Variants in SLC18A1 observed in about 807,000 individuals in gnomAD.
SLC18A1 encodes the protein chromaffin granule amine transporter.
A neutral mutation model predicts 53.7 loss-of-function variants in SLC18A1; 69 were observed. The observed-to-expected ratio is 1.28, with a 90% CI of 1.06 to 1.57. The LOEUF (loss-of-function observed/expected upper bound fraction) is 1.57, where lower values mean the gene tolerates loss of function less well. Ranked by LOEUF, SLC18A1 falls within the 40% of genes most tolerant of loss-of-function variation. The pLI, the probability that SLC18A1 is intolerant of heterozygous loss-of-function variation, is 0.00. For synonymous variants in SLC18A1, 320 were observed against 248.1 expected, an observed-to-expected ratio of 1.29 and a Z score of -2.72; for missense variants, 932 against 668.1, an observed-to-expected ratio of 1.40 and a Z score of -4.35.
intron 4 of SLC18A1, among the ~76,000 whole-genome samples, chr8:20,176,464 G>A (rs2072254475): frequency 6.6e-6 from 1 of 152,162 alleles, no homozygotes; most frequent in African/African-American, 2.4e-5. Flanking sequence ...ATGCTAAATG[G>A]ACTAAGACAC....
intron 10 of SLC18A1, among the ~76,000 whole-genome samples, chr8:20,154,903 G>C (rs1279965010): frequency 1.3e-5 from 2 of 152,144 alleles, no homozygotes; most frequent in African/African-American, 2.4e-5. Flanking sequence ...ATCTGGCAGG[G>C]TGTCCACTGC....
rs903827480 is a variant in SLC18A1 at position 20,171,674 on chromosome 8, T to C, written c.725-180A>G. On this transcript the variant is annotated intron_variant, in intron 6 of 15. Coordinates refer to ENST00000276373, the MANE Select transcript of SLC18A1 (RefSeq NM_003053.4). ...TGTCCCCATCAAGCCCACTTTCTAG[T>C]GGAGGAAGTGTGTGTGTGTGTGTGT... Among the ~76,000 whole-genome samples, 51 of 149,272 alleles carry C rather than the reference T, an allele frequency of 3.4e-4. 1 individual carries two copies. The highest frequency in any genetic ancestry group is 1.1e-3 in the African/African-American group (45 of 39,932).
At chr8:20,147,959 A>G in intron 13 of SLC18A1, 48 bp downstream of exon 13, 2 of 1,597,132 alleles carry the variant, frequency 1.3e-6, no homozygotes, top group Non-Finnish European at 8.6e-7. Flanking sequence ...CATCAGACCC[A>G]AAGCCAACAT....
intron 10 of SLC18A1, among the ~76,000 whole-genome samples, chr8:20,155,243 C>G (rs971632936): frequency 6.6e-6 from 1 of 152,190 alleles, no homozygotes; most frequent in African/African-American, 2.4e-5. Context: ...CAGGGCTTCT[C>G]CAAAGTGGTG....
chr8:20,163,282 G>A (rs2071875029), intron 10 of SLC18A1, among the ~76,000 whole-genome samples: 1 of 152,148 alleles, frequency 6.6e-6, no homozygotes. Context: ...GTGCTCCCAT[G>A]ATCTCATCAT....
At chr8:20,177,152 T>G (rs1451976317) in intron 4 of SLC18A1, among the ~76,000 whole-genome samples, 1 of 152,222 alleles carries the variant, frequency 6.6e-6, no homozygotes, top group East Asian at 1.9e-4. Context: ...CTGCTAGAAG[T>G]TCCATGAACA....
intron 8 of SLC18A1, among the ~76,000 whole-genome samples, chr8:20,166,280 T>C (rs1311766755): frequency 4.2e-5 from 4 of 95,004 alleles, no homozygotes; most frequent in Non-Finnish European, 4.2e-5. Flanking sequence ...TGTGTGGGTG[T>C]GTGTGTGTCT....
rs1318946275 is a variant in SLC18A1, at chr8:20,172,853, T to C, written c.724+183A>G. Among the ~76,000 whole-genome samples the C allele has an allele frequency of 2.0e-5, 3 of 152,208 alleles. No individual in the cohort carries two copies. In the East Asian group the frequency reaches 5.8e-4, roughly 29 times the overall value. ...GGGCTTCCGGACCTTTCTCCGACGT[T>C]TATGTGTTTCCCAGCTTCTTAAGGA... On this transcript the variant is annotated intron_variant, in intron 6 of 15. Transcript: ENST00000276373.
chr8:20,156,868 T>A (rs1209572087), intron 10 of SLC18A1, among the ~76,000 whole-genome samples: 1 of 152,162 alleles, frequency 6.6e-6, no homozygotes, highest in Non-Finnish European at 1.5e-5. Context: ...TGCATAAGAA[T>A]TGTTGTTTAT....
At chr8:20,162,625 T>C (rs2071857327) in intron 10 of SLC18A1, among the ~76,000 whole-genome samples, 1 of 152,338 alleles carries the variant, frequency 6.6e-6, no homozygotes, top group African/African-American at 2.4e-5. Context: ...TGGATACAAG[T>C]CTGCCAAGTT....
intron 8 of SLC18A1, 71 bp downstream of exon 8, chr8:20,171,032 C>G: frequency 1.0e-5 from 15 of 1,453,902 alleles, no homozygotes; most frequent in Non-Finnish European, 1.4e-5. Flanking sequence ...TATGGTTTGG[C>G]AGGCATGCCT....
intron 11 of SLC18A1, among the ~76,000 whole-genome samples, chr8:20,150,383 T>C (rs1215792155): frequency 3.9e-5 from 6 of 152,196 alleles, no homozygotes; most frequent in Non-Finnish European, 8.8e-5. Context: ...GTTGTGGTTA[T>C]TTTATCTCCT....
At chr8:20,164,847 C>T (rs200134564) in intron 10 of SLC18A1, 22 bp downstream of exon 10, 64 of 1,577,162 alleles carry the variant, frequency 4.1e-5, no homozygotes, top group Middle Eastern at 3.5e-4. Flanking sequence ...AGGCCCTGAG[C>T]GGGGGTGCTG....
rs10216668 is a variant in SLC18A1 at position 20,151,631 on chromosome 8, T to C, written c.1016-887A>G. ...AATGCATGCAAAAGTATTTTGTAAA[T>C]TGAAGTCCTGAACACATGGCTTTTT... On this transcript the variant is annotated intron_variant, in intron 10 of 15. Coordinates refer to ENST00000276373, the MANE Select transcript of SLC18A1 (RefSeq NM_003053.4). Among the ~76,000 whole-genome samples, 1,215 of 152,306 alleles carry C rather than the reference T, an allele frequency of 8.0e-3. 21 individuals carry two copies. The highest frequency in any genetic ancestry group is 0.038 in the East Asian group (199 of 5,178).
chr8:20,149,767 A>C, intron 11 of SLC18A1, 40 bp from the exon 12 acceptor site: 1 of 1,582,964 alleles, frequency 6.3e-7, no homozygotes. Flanking sequence ...ACTAGGGGAG[A>C]GCTCCCCTCC....
intron 15 of SLC18A1, among the ~76,000 whole-genome samples, chr8:20,146,273 C>A (rs1490776950): frequency 2.0e-5 from 3 of 152,164 alleles, no homozygotes; most frequent in Non-Finnish European, 2.9e-5. Flanking sequence ...CTAGTTCTTC[C>A]AAGGCTGGCA....
In SLC18A1 at chr8:20,173,006, G is replaced by A. The variant is rs2072161878; in HGVS notation, c.724+30C>T. 14 of 1,004,910 alleles carry A rather than the reference G, an allele frequency of 1.4e-5. 1 individual carries two copies. The highest frequency in any genetic ancestry group is 1.6e-5 in the Non-Finnish European group (11 of 671,966). The allele number at this position is 1,004,910 out of a possible 1,614,324, so 62.2% of individuals were successfully genotyped here. On this transcript the variant is annotated intron_variant, in intron 6 of 15. Transcript: ENST00000276373. The stretch of plus-strand genomic sequence containing the variant: ...CTGCTTCCTAGAGTCCCACCCTCCC[G>A]AACCCAGAGCTCCAGCTGGTGCCAC...
In SLC18A1 at chr8:20,165,039, C is replaced by T; in HGVS notation, c.919+8G>A. On this transcript the variant is annotated splice_region_variant and intron_variant, in intron 9 of 15. Transcript: ENST00000276373. ...TCCCCGCCCAATGGGAGGTCATCGC[C>T]AGCTTACCTGCAGCCACCAGGATGT... 6.2e-7 allele frequency: 1 copy of T among 1,614,142 alleles called. No homozygotes were observed. The highest frequency in any genetic ancestry group is 8.5e-7 in the Non-Finnish European group (1 of 1,179,988).
chr8:20,157,171 T>C (rs2071704200), intron 10 of SLC18A1, among the ~76,000 whole-genome samples: 2 of 152,128 alleles, frequency 1.3e-5, no homozygotes, highest in South Asian at 4.1e-4. Flanking sequence ...TGACTAGGGG[T>C]GCTGGCATCC....
Sources: gnomAD v4.1 joint callset for allele counts (sites outside exome capture counted in the v4.1 genomes callset) on GRCh38, gnomAD v4.1.1 for gene constraint, MANE v1.5 for transcripts, NCBI Gene and HGNC (gene_info 2026-07-23, HGNC 2026-07-21) for gene names.